GRIN2A: variants seen among roughly 807,000 people sequenced by gnomAD.
The protein encoded by GRIN2A is glutamate receptor ionotropic, NMDA 2A.
In GRIN2A, 22 loss-of-function variants were observed where a neutral mutation model predicts 113.4. The ratio of observed to expected loss-of-function variants is 0.19; its 90% CI spans 0.14 to 0.28. The LOEUF is 0.28. Ranked by LOEUF, GRIN2A falls within the 10% of genes least tolerant of loss-of-function variation. The probability of loss-of-function intolerance (pLI) is 1.00; values close to 1 mark genes in which losing one functional copy is unlikely to be tolerated. For synonymous variants in GRIN2A, 827 were observed against 738.4 expected (o/e 1.12, Z -1.94); for missense variants, 1,502 against 1,887.0 (o/e 0.80, Z 3.78).
At chr16:9,789,723 A>G (rs1419020777) in intron 11 of GRIN2A, among the ~76,000 whole-genome samples, 1 of 152,204 alleles carries the variant, frequency 6.6e-6, no homozygotes, top group East Asian at 1.9e-4. Flanking sequence ...AAACTGTGCA[A>G]TTATCATTCC....
At chr16:10,088,175 T>G (rs374471621) in intron 2 of GRIN2A, among the ~76,000 whole-genome samples, 2 of 152,156 alleles carry the variant, frequency 1.3e-5, no homozygotes, top group Non-Finnish European at 2.9e-5. Flanking sequence ...TGAAGATAAG[T>G]GCAGGTAGTT....
At chr16:10,086,088 G>C (rs1165075456) in intron 2 of GRIN2A, among the ~76,000 whole-genome samples, 1 of 152,126 alleles carries the variant, frequency 6.6e-6, no homozygotes, top group Non-Finnish European at 1.5e-5. Context: ...GCACACAGTA[G>C]GCACTCAGAA....
intron 2 of GRIN2A, among the ~76,000 whole-genome samples, chr16:10,006,763 T>C (rs1408973878): frequency 6.6e-6 from 1 of 152,174 alleles, no homozygotes; most frequent in Non-Finnish European, 1.5e-5. Flanking sequence ...TAACCCTCCC[T>C]ATTTCCCAGC....
At chr16:9,983,736 G>A (rs1349116675) in intron 2 of GRIN2A, among the ~76,000 whole-genome samples, 1 of 152,192 alleles carries the variant, frequency 6.6e-6, no homozygotes, top group Non-Finnish European at 1.5e-5. Flanking sequence ...ACCGCGCCCA[G>A]CCAAGATGTT....
At chr16:10,004,687 A>G (rs1166098097) in intron 2 of GRIN2A, among the ~76,000 whole-genome samples, 2 of 152,144 alleles carry the variant, frequency 1.3e-5, no homozygotes, top group Non-Finnish European at 2.9e-5. Context: ...TCCTTTGGTC[A>G]TCAAACTGTC....
intron 3 of GRIN2A, among the ~76,000 whole-genome samples, chr16:9,930,551 A>G (rs11649430): frequency 0.18 from 27,926 of 152,196 alleles, 3,044 homozygotes; most frequent in Middle Eastern, 0.26. Context: ...GATGTACAGC[A>G]AAGGCCCACA....
rs866228360 is a variant in GRIN2A at position 9,763,393 on chromosome 16, G to A, written c.4151C>T (p.Ser1384Leu). Residue 1384 changes from serine (S) to leucine (L), a missense_variant, in exon 13 of 13, where the codon TCG becomes TTG. By Grantham distance (145) the Ser-to-Leu change is moderately radical (BLOSUM62 -2). Coordinates refer to ENST00000330684, the MANE Select transcript of GRIN2A (RefSeq NM_001134407.3). ...DQRLVIGRCP[S>L]DPYKHSLPSQ... ...TGGCAACGAGTGTTTGTAAGGGTCC[G>A]AGGGGCATCTCCCAATAACCAAGCG... 9.9e-6 allele frequency: 16 copies of A among 1,614,030 alleles called. No individual in the cohort carries two copies. The highest frequency in any genetic ancestry group is 1.7e-5 in the Admixed American group (1 of 60,006).
chr16:9,864,148 G>T (rs2043121101), intron 4 of GRIN2A, among the ~76,000 whole-genome samples: 1 of 152,156 alleles, frequency 6.6e-6, no homozygotes, highest in Non-Finnish European at 1.5e-5. Context: ...AAATTTCAAA[G>T]ATCAGCATAA....
chr16:9,754,752 G>T lies in GRIN2A; in HGVS notation c.*8397C>A. The T allele has an allele frequency of 4.6e-6, 1 of 218,664 alleles. No homozygotes were observed. Among genetic ancestry groups the T allele is most frequent in the Non-Finnish European group, 9.2e-6 (1 of 108,942 alleles). 13.5% of individuals were successfully genotyped at this position (218,664 alleles called of 1,614,324 possible). ...CTTAGATGGCTAATGTAGAAACTTC[G>T]ATTGAATTCAAAAGGCTATGATTGT... On this transcript the variant is annotated 3_prime_UTR_variant, in exon 13 of 13. Coordinates refer to ENST00000330684, the MANE Select transcript of GRIN2A (RefSeq NM_001134407.3).
chr16:10,108,578 G>A (rs777107692), intron 2 of GRIN2A, among the ~76,000 whole-genome samples: 1 of 152,114 alleles, frequency 6.6e-6, no homozygotes, highest in Non-Finnish European at 1.5e-5. Context: ...CATCTCAGAA[G>A]GAATCAGAAT....
intron 4 of GRIN2A, among the ~76,000 whole-genome samples, chr16:9,879,558 C>T (rs888262839): frequency 6.6e-6 from 1 of 152,208 alleles, no homozygotes; most frequent in African/African-American, 2.4e-5. Context: ...TTCCCTCTAA[C>T]CCAAGCCACG....
chr16:10,034,553 A>C (rs1434891833), intron 2 of GRIN2A, among the ~76,000 whole-genome samples: 1 of 149,808 alleles, frequency 6.7e-6, no homozygotes, highest in Non-Finnish European at 1.5e-5. Flanking sequence ...AAAAAAAAAA[A>C]AAAAAAAAAA....
intron 2 of GRIN2A, among the ~76,000 whole-genome samples, chr16:9,998,642 G>A (rs1007823867): frequency 6.6e-6 from 1 of 152,138 alleles, no homozygotes; most frequent in African/African-American, 2.4e-5. Context: ...AAATTGCCTT[G>A]CAAAATCTTA....
At chr16:10,017,633 A>G (rs988353488) in intron 2 of GRIN2A, among the ~76,000 whole-genome samples, 1 of 152,206 alleles carries the variant, frequency 6.6e-6, no homozygotes, top group Non-Finnish European at 1.5e-5. Flanking sequence ...TAAGAAAAGC[A>G]TAAGAATGAG....
chr16:9,960,022 C>A (rs570802491), intron 2 of GRIN2A, among the ~76,000 whole-genome samples: 1 of 152,254 alleles, frequency 6.6e-6, no homozygotes, highest in Admixed American at 6.5e-5. Flanking sequence ...TAGAAACTCA[C>A]TGAAACCACA....
At chr16:10,083,526 G>A (rs2048024067) in intron 2 of GRIN2A, among the ~76,000 whole-genome samples, 1 of 152,186 alleles carries the variant, frequency 6.6e-6, no homozygotes. Context: ...AGGCCCACGT[G>A]CTTTCACCCT....
chr16:9,792,685 ACCT>A (rs1902688347), intron 11 of GRIN2A, among the ~76,000 whole-genome samples: 1 of 152,034 alleles, frequency 6.6e-6, no homozygotes, highest in Non-Finnish European at 1.5e-5. Flanking sequence ...GTGTTAAATG[ACCT>A]CAGACTAGAT....
At position 10,180,055 on chromosome 16, in the gene GRIN2A, G is replaced by A. The variant is rs1370077883; in HGVS notation, c.357C>T (p.His119=). ...VAQMLDFISS[H]TFVPILGIHG... is the part of the protein sequence containing the mutation. ...GAATGCCCAAGATGGGGACGAAGGT[G>A]TGGGAGGAGATAAAATCCAGCATCT... Residue 119 remains histidine (H), a synonymous_variant, in exon 2 of 13, where the codon CAC becomes CAT. Coordinates refer to ENST00000330684, the MANE Select transcript of GRIN2A (RefSeq NM_001134407.3). The surrounding 1 kb of genome is among the most constrained non-coding windows in gnomAD (Gnocchi z 7.0). The A allele has an allele frequency of 6.2e-7, 1 of 1,614,174 alleles. No homozygotes were observed. Among genetic ancestry groups the A allele is most frequent in the East Asian group, 2.2e-5 (1 of 44,872 alleles).
intron 2 of GRIN2A, among the ~76,000 whole-genome samples, chr16:10,034,548 A>C (rs1401024564): frequency 1.3e-5 from 2 of 149,132 alleles, no homozygotes; most frequent in Non-Finnish European, 3.0e-5. Flanking sequence ...AAAAAAAAAA[A>C]AAAAAAAAAA....
Sources: gnomAD v4.1 joint callset for allele counts (sites outside exome capture counted in the v4.1 genomes callset) on GRCh38, gnomAD v4.1.1 for gene constraint, Gnocchi (gnomAD v3.1) non-coding constraint, MANE v1.5 for transcripts, NCBI Gene and HGNC (gene_info 2026-07-23, HGNC 2026-07-21) for gene names.